CDIN1: variants seen among roughly 807,000 people sequenced by gnomAD.
CDIN1 encodes the protein CDAN1 interacting nuclease 1, also known as CDAN1-interacting nuclease 1.
Under a neutral mutation model 45.3 loss-of-function variants are expected in CDIN1, and 33 were observed. The observed-to-expected ratio is 0.73, with a 90% CI of 0.55 to 0.97. The LOEUF is 0.97. Among genes scored for constraint, CDIN1 ranks in the 50% least tolerant of loss-of-function variants. The pLI, the probability that CDIN1 is intolerant of heterozygous loss-of-function variation, is 0.00. For synonymous variants in CDIN1, 118 were observed against 124.4 expected (o/e 0.95, Z 0.34); for missense variants, 303 against 339.4 (o/e 0.89, Z 0.84).
chr15:36,786,237 G>T (rs140885483), intron 10 of CDIN1, among the ~76,000 whole-genome samples: 75 of 152,294 alleles, frequency 4.9e-4, no homozygotes, highest in African/African-American at 1.8e-3. Flanking sequence ...TATTCCTTTA[G>T]ATAAAATTGT....
In CDIN1 at chr15:36,593,762, C is replaced by T. The variant is rs1285563286; in HGVS notation, c.101+13801C>T. 3.3e-5 allele frequency among the ~76,000 whole-genome samples: 5 copies of T among 152,076 alleles called. No homozygotes were observed. In the East Asian group the frequency reaches 5.8e-4, roughly 18 times the overall value. On this transcript the variant is annotated intron_variant, in intron 1 of 10. Coordinates refer to ENST00000566621, the MANE Select transcript of CDIN1 (RefSeq NM_001321759.2). ...TGTATTTTTGGTAGAGACAGGGTTTCACTGTGTTAGCCAGGATGGTCTCGA... is the reference window on the plus strand; with the variant it reads ...TGTATTTTTGGTAGAGACAGGGTTTTACTGTGTTAGCCAGGATGGTCTCGA...
chr15:36,693,521 T>C (rs561790092), intron 7 of CDIN1, among the ~76,000 whole-genome samples: 14 of 152,312 alleles, frequency 9.2e-5, no homozygotes, highest in African/African-American at 3.4e-4. Flanking sequence ...TTGAATTACA[T>C]GTTAATTTTA....
chr15:36,706,339 A>G (rs930123964), intron 8 of CDIN1: 3 of 152,148 alleles, frequency 2.0e-5, no homozygotes, highest in African/African-American at 7.2e-5. Flanking sequence ...GAGGCCAGGC[A>G]TGGTGGCTCA....
intron 10 of CDIN1, chr15:36,747,060 T>A (rs2044471682): frequency 2.5e-6 from 1 of 397,034 alleles, no homozygotes; most frequent in Admixed American, 4.4e-5. Flanking sequence ...GGAATCTTTA[T>A]GAAATGTGTT....
intron 10 of CDIN1, among the ~76,000 whole-genome samples, chr15:36,763,081 A>G (rs964709389): frequency 2.0e-5 from 3 of 152,232 alleles, no homozygotes; most frequent in Admixed American, 6.5e-5. Flanking sequence ...GACTTCCACA[A>G]TGGTTGAACC....
rs3045909 is a variant in CDIN1, at chr15:36,718,812, CTTTTTTTTTT to C, written c.716+8865_716+8874del. ...TTTTACTTCACTTTCAATTTGTATG[CTTTTTTTTTT>C]TTTTTTTTTTTTTGCTTTTGCTTCA... is the stretch of plus-strand genomic sequence containing the variant. On this transcript the variant is annotated intron_variant, in intron 10 of 10. Transcript: ENST00000566621. Among the ~76,000 whole-genome samples the C allele has an allele frequency of 9.3e-5, 9 of 96,648 alleles. No individual in the cohort carries two copies. In the South Asian group the frequency reaches 3.3e-3, roughly 36 times the overall value. 63.4% of individuals were successfully genotyped at this position (96,648 alleles called of 152,430 possible).
chr15:36,800,469 C>T (rs1285265948), intron 10 of CDIN1, among the ~76,000 whole-genome samples: 2 of 152,144 alleles, frequency 1.3e-5, no homozygotes, highest in African/African-American at 4.8e-5. Flanking sequence ...TATTTACACA[C>T]AGGCATAAGT....
chr15:36,800,153 A>C (rs775362968), intron 10 of CDIN1, among the ~76,000 whole-genome samples: 7 of 152,160 alleles, frequency 4.6e-5, no homozygotes, highest in Admixed American at 2.0e-4. Context: ...TATTTATCAT[A>C]TGCTTTTACT....
intron 8 of CDIN1, chr15:36,705,565 A>G (rs2140808873): frequency 6.6e-6 from 1 of 152,268 alleles, no homozygotes; most frequent in African/African-American, 2.4e-5. Flanking sequence ...TATTGTGTAT[A>G]AATTGGAATG....
chr15:36,680,624 G>C (rs1435201685), intron 5 of CDIN1, among the ~76,000 whole-genome samples: 1 of 152,152 alleles, frequency 6.6e-6, no homozygotes, highest in Non-Finnish European at 1.5e-5. Context: ...GGCTGGGCTT[G>C]GGTTTTGAAC....
At chr15:36,647,324 C>G (rs894907061) in intron 3 of CDIN1, among the ~76,000 whole-genome samples, 1 of 151,874 alleles carries the variant, frequency 6.6e-6, no homozygotes, top group African/African-American at 2.4e-5. Flanking sequence ...TGTGCCTGGC[C>G]CAGAAATAAA....
chr15:36,613,515 A>G, intron 1 of CDIN1: 1 of 1,544,074 alleles, frequency 6.5e-7, no homozygotes, highest in Non-Finnish European at 8.8e-7. Context: ...CGCAAGATCC[A>G]GGTTGTGCAG....
chr15:36,801,501 G>C (rs571897333), intron 10 of CDIN1, among the ~76,000 whole-genome samples: 3 of 152,122 alleles, frequency 2.0e-5, no homozygotes, highest in Admixed American at 6.6e-5. Context: ...AACAAGTTCT[G>C]AACCTTCTTT....
chr15:36,701,477 GACA>G (rs1566913053), intron 8 of CDIN1, among the ~76,000 whole-genome samples: 2 of 152,080 alleles, frequency 1.3e-5, no homozygotes, highest in Non-Finnish European at 2.9e-5. Context: ...ACAATGCAAA[GACA>G]ACAAGACAGT....
intron 10 of CDIN1, among the ~76,000 whole-genome samples, chr15:36,757,039 C>T (rs923207603): frequency 1.3e-5 from 2 of 152,128 alleles, no homozygotes; most frequent in African/African-American, 4.8e-5. Flanking sequence ...TTAGAACAAT[C>T]AGAGAACAGC....
intron 1 of CDIN1, among the ~76,000 whole-genome samples, chr15:36,583,103 A>G (rs2140154765): frequency 6.6e-6 from 1 of 151,854 alleles, no homozygotes; most frequent in South Asian, 2.1e-4. Context: ...TTGATTTTAA[A>G]TATTGTTCTG....
chr15:36,767,870 C>T (rs1328933585), intron 10 of CDIN1, among the ~76,000 whole-genome samples: 2 of 152,100 alleles, frequency 1.3e-5, no homozygotes, highest in African/African-American at 4.8e-5. Context: ...TTCTAATTTG[C>T]CTTCCATCAA....
intron 1 of CDIN1, among the ~76,000 whole-genome samples, chr15:36,593,172 T>C (rs1050704389): frequency 3.9e-5 from 6 of 152,240 alleles, no homozygotes; most frequent in African/African-American, 1.4e-4. Context: ...TGGTTGCTTG[T>C]TGCAGTGGTA....
At chr15:36,741,132 C>T (rs537096916) in intron 10 of CDIN1, among the ~76,000 whole-genome samples, 1 of 152,080 alleles carries the variant, frequency 6.6e-6, no homozygotes, top group Non-Finnish European at 1.5e-5. Context: ...ATGGCCTGGG[C>T]TATCTCCTAC....
Sources: gnomAD v4.1 joint callset for allele counts (sites outside exome capture counted in the v4.1 genomes callset) on GRCh38, gnomAD v4.1.1 for gene constraint, MANE v1.5 for transcripts, NCBI Gene and HGNC (gene_info 2026-07-23, HGNC 2026-07-21) for gene names.